The following EIF3C variants were observed in gnomAD, a reference collection of about 807,000 sequenced individuals.
The protein encoded by EIF3C is eukaryotic translation initiation factor 3 subunit C.
In EIF3C, 2 loss-of-function variants were observed where a neutral mutation model predicts 11.1. That is an observed-to-expected ratio of 0.18 (90% CI 0.07 to 0.57). The LOEUF (loss-of-function observed/expected upper bound fraction) is 0.57, where lower values mean the gene tolerates loss of function less well. Among genes scored for constraint, EIF3C ranks in the 20% least tolerant of loss-of-function variants. The pLI, the probability that EIF3C is intolerant of heterozygous loss-of-function variation, is 0.92. For synonymous variants in EIF3C, 2 were observed against 41.5 expected, an observed-to-expected ratio of 0.05 and a Z score of 3.66; for missense variants, 16 against 114.6, an observed-to-expected ratio of 0.14 and a Z score of 3.93.
chr16:28,729,953 T>C (rs1339390377), intron 15 of EIF3C, among the ~76,000 whole-genome samples: 1 of 150,524 alleles, frequency 6.6e-6, no homozygotes, highest in African/African-American at 2.4e-5. Flanking sequence ...AGCAAGACTG[T>C]CTCAAAAAGA....
At position 28,691,224 on chromosome 16, in the gene EIF3C, G is replaced by A. The variant is rs1250191829; in HGVS notation, c.-31+2396G>A. 4.8e-5 allele frequency among the ~76,000 whole-genome samples: 2 copies of A among 41,658 alleles called. 1 individual carries two copies. Among genetic ancestry groups the A allele is most frequent in the Non-Finnish European group, 7.5e-5 (2 of 26,720 alleles). 27.3% of individuals were successfully genotyped at this position (41,658 alleles called of 152,430 possible). A position where few individuals can be genotyped will look rare whatever the true frequency, so the allele number is the denominator to read the frequency against. ...TATATATTATATATATATATATGGA[G>A]CAGAAAAAGCCTTTGTTGGACGAAT... On this transcript the variant is annotated intron_variant, in intron 1 of 20. Transcript: ENST00000566501.
At position 28,698,626 on chromosome 16, in the gene EIF3C, A is replaced by T. The variant is rs1242694424; in HGVS notation, c.-31+9798A>T. ...TGGCTGCCGGGCGGAGACACTCCTC[A>T]CTTCCCAGATGGGGTGGCTGCCGGG... On this transcript the variant is annotated intron_variant, in intron 1 of 20. Coordinates refer to the EIF3C transcript ENST00000566501. Among the ~76,000 whole-genome samples, 2 of 89,452 alleles carry T rather than the reference A, an allele frequency of 2.2e-5. 1 individual carries two copies. The highest frequency in any genetic ancestry group is 3.9e-5 in the Non-Finnish European group (2 of 51,638). 58.7% of individuals were successfully genotyped at this position (89,452 alleles called of 152,430 possible). A position where few individuals can be genotyped will look rare whatever the true frequency, so the allele number is the denominator to read the frequency against.
intron 15 of EIF3C, among the ~76,000 whole-genome samples, chr16:28,730,003 T>A (rs1325729864): frequency 6.6e-6 from 1 of 150,408 alleles, no homozygotes; most frequent in African/African-American, 2.4e-5. Flanking sequence ...TCTATTCATA[T>A]AATGAATAAC....
At position 28,723,448 on chromosome 16, in the gene EIF3C, G is replaced by T; in HGVS notation, c.937G>T (p.Glu313Ter). ...CATGACGGGATATGTGCTGATACAG[G>T]AGAAGCCAAAAATGTTTGCCAAGGG... ...RVRGGVPLVKEKPKMFAKGTE... is the reference protein window; with the variant it reads ...RVRGGVPLVK The change falls in exon 10 of 21, where the codon GAG becomes TAG. Residue 313 changes from glutamate (E) to a stop codon, truncating the protein, a stop_gained and splice_region_variant. Transcript: ENST00000331666. LOFTEE classifies it high-confidence loss of function. The T allele has an allele frequency of 1.2e-6, 2 of 1,611,388 alleles. No individual in the cohort carries two copies. The highest frequency in any genetic ancestry group is 1.7e-6 in the Non-Finnish European group (2 of 1,178,214).
chr16:28,698,007 C>T (rs1596703281), intron 1 of EIF3C, among the ~76,000 whole-genome samples: 1 of 68,156 alleles, frequency 1.5e-5, no homozygotes, highest in Non-Finnish European at 2.6e-5. Flanking sequence ...GCTGACCCCC[C>T]CCACCTCCCT....
upstream of EIF3C, among the ~76,000 whole-genome samples, chr16:28,710,589 AC>A (rs1261726102): frequency 0.026 from 2 of 78 alleles, no homozygotes; most frequent in East Asian, 0.1. Flanking sequence ...AGCATCGTCT[AC>A]TTTTTTTTTT....
intron 2 of EIF3C, chr16:28,713,227 AG>A (rs1167680069): frequency 1.6e-5 from 1 of 62,752 alleles, no homozygotes; most frequent in Non-Finnish European, 3.4e-5. Context: ...TTATTATCGT[AG>A]AAAAATACTA....
In EIF3C at chr16:28,700,544, G is replaced by A. The variant is rs139848060; in HGVS notation, c.-30-11113G>A. 7,315 of 299,566 alleles carry A rather than the reference G, an allele frequency of 0.024. 664 individuals carry two copies. The African/African-American group carries it at 0.26, about 11-fold the overall frequency. 18.6% of individuals were successfully genotyped at this position (299,566 alleles called of 1,614,324 possible). On this transcript the variant is annotated intron_variant, in intron 1 of 20. Transcript: ENST00000566501. ...ACCTCCACGGGTTCCAGGCCATCAG[G>A]GCCAAGCTGCTTCTTGAGCTCCTCC...
At chr16:28,729,654 CAA>C (rs2048419977) in intron 15 of EIF3C, among the ~76,000 whole-genome samples, 1 of 114,686 alleles carries the variant, frequency 8.7e-6, no homozygotes, top group Admixed American at 8.9e-5. Context: ...TTGTGGAAAA[CAA>C]TATGAAAAAC....
chr16:28,712,125 A>T (rs2048304771), intron 2 of EIF3C: 1 of 49,064 alleles, frequency 2.0e-5, no homozygotes, highest in Non-Finnish European at 4.2e-5. Context: ...CTGCTCACAG[A>T]AGGAAATGCA....
intron 15 of EIF3C, among the ~76,000 whole-genome samples, chr16:28,729,956 C>G (rs1312943174): frequency 1.3e-5 from 2 of 150,528 alleles, no homozygotes; most frequent in African/African-American, 4.9e-5. Flanking sequence ...AAGACTGTCT[C>G]AAAAAGAAAA....
chr16:28,699,487 A>AC, intron 1 of EIF3C, among the ~76,000 whole-genome samples: 1 of 39,412 alleles, frequency 2.5e-5, no homozygotes, highest in Non-Finnish European at 6.5e-5. Flanking sequence ...GGAGACGGAG[A>AC]GGGAGAGGGA....
intron 1 of EIF3C, among the ~76,000 whole-genome samples, chr16:28,692,758 T>TCAA (rs1189294613): frequency 8.3e-5 from 11 of 133,308 alleles, no homozygotes; most frequent in East Asian, 6.8e-4. Context: ...AGACTCCGTC[T>TCAA]CAACAACAAC....
chr16:28,722,142 CA>C (rs1328580903), intron 8 of EIF3C: 1 of 7,672 alleles, frequency 1.3e-4, no homozygotes, highest in Non-Finnish European at 3.0e-4. Flanking sequence ...TAGACTATTC[CA>C]AAAACATATT....
intron 1 of EIF3C, among the ~76,000 whole-genome samples, chr16:28,699,583 G>T (rs1349063077): frequency 1.0e-5 from 1 of 100,356 alleles, no homozygotes; most frequent in Non-Finnish European, 2.0e-5. Context: ...TCGCTCTGTT[G>T]CTCAGACTGG....
intron 15 of EIF3C, among the ~76,000 whole-genome samples, chr16:28,730,467 G>C (rs1488348744): frequency 1.3e-5 from 2 of 149,628 alleles, no homozygotes; most frequent in African/African-American, 4.9e-5. Context: ...GCTTATGACT[G>C]GTATTGATCT....
upstream of EIF3C, among the ~76,000 whole-genome samples, chr16:28,710,021 C>CTCTGTCGCT (rs2048297547): frequency 9.8e-6 from 1 of 101,960 alleles, no homozygotes; most frequent in Non-Finnish European, 2.0e-5. Context: ...CAGAGTCTTG[C>CTCTGTCGCT]TCTGTCGCTC....
Position 28,723,007 on chromosome 16 carries a change from T to G in EIF3C, c.777-157T>G, listed in dbSNP as rs1479728652. Reference sequence around the variant, plus strand: ...GGTTAGTACTCTGTCTTGTTAGAGATGGCTATGGTTATGGTTCACTGTGCC... The same window carrying G: ...GGTTAGTACTCTGTCTTGTTAGAGAGGGCTATGGTTATGGTTCACTGTGCC... On this transcript the variant is annotated intron_variant, in intron 8 of 20. Transcript: ENST00000331666. The G allele has an allele frequency of 5.5e-6, 4 of 731,920 alleles. No homozygotes were observed. In the African/African-American group the frequency reaches 7.3e-5, roughly 13 times the overall value. 45.3% of individuals were successfully genotyped at this position (731,920 alleles called of 1,614,324 possible).
At chr16:28,699,245 C>T (rs371986483) in intron 1 of EIF3C, among the ~76,000 whole-genome samples, 14,411 of 39,476 alleles carry the variant, frequency 0.37, 1,477 homozygotes, top group Admixed American at 0.47. Context: ...CCGAGGTTGG[C>T]GGATCACTCG....
Sources: allele counts gnomAD v4.1 joint callset (sites outside exome capture counted in the v4.1 genomes callset), GRCh38; gene constraint gnomAD v4.1.1; transcripts MANE v1.5; gene names NCBI Gene and HGNC (gene_info 2026-07-23, HGNC 2026-07-21).